Variants in SNX9 observed in about 807,000 individuals in gnomAD.
SNX9 encodes sorting nexin-9.
A neutral mutation model predicts 89.4 loss-of-function variants in SNX9; 44 were observed. The ratio of observed to expected loss-of-function variants is 0.49; its 90% CI spans 0.39 to 0.63. SNX9 has a LOEUF of 0.63. Among genes scored for constraint, SNX9 ranks in the 30% least tolerant of loss-of-function variants. SNX9 has a pLI of 0.00. For synonymous variants in SNX9, 236 were observed against 247.8 expected, an observed-to-expected ratio of 0.95 and a Z score of 0.45; for missense variants, 578 against 736.1, an observed-to-expected ratio of 0.79 and a Z score of 2.49.
chr6:157,850,473 C>T (rs915557348), intron 1 of SNX9, among the ~76,000 whole-genome samples: 2 of 152,080 alleles, frequency 1.3e-5, no homozygotes, highest in Non-Finnish European at 2.9e-5. Flanking sequence ...GAGAGCGTGG[C>T]GAAGTTGTAA....
At chr6:157,920,134 A>G (rs1783553473) in intron 9 of SNX9, among the ~76,000 whole-genome samples, 1 of 152,126 alleles carries the variant, frequency 6.6e-6, no homozygotes. Flanking sequence ...AACTCATTCA[A>G]AGCTCAGGTC....
chr6:157,869,227 A>T (rs554303985), intron 2 of SNX9, among the ~76,000 whole-genome samples: 6 of 151,818 alleles, frequency 4.0e-5, no homozygotes, highest in African/African-American at 1.5e-4. Context: ...TTCCCACGTC[A>T]TTCCACCTTC....
intron 13 of SNX9, among the ~76,000 whole-genome samples, chr6:157,935,051 GA>G (rs905215801): frequency 6.6e-6 from 1 of 152,224 alleles, no homozygotes; most frequent in Non-Finnish European, 1.5e-5. Context: ...GAATTATAAA[GA>G]TGCTTTTTAA....
chr6:157,871,991 A>G (rs920893696), intron 2 of SNX9, among the ~76,000 whole-genome samples: 14 of 151,964 alleles, frequency 9.2e-5, no homozygotes, highest in Non-Finnish European at 1.6e-4. Context: ...TAAAATAGCA[A>G]CTTGTCCTCA....
At chr6:157,910,216 G>A (rs901523926) in intron 9 of SNX9, among the ~76,000 whole-genome samples, 191 bp downstream of exon 9, 4 of 152,180 alleles carry the variant, frequency 2.6e-5, no homozygotes, top group Non-Finnish European at 4.4e-5. Context: ...TTGCCTAAAC[G>A]TCTCACAAGA....
chr6:157,907,667 A>C (rs1783246031), intron 7 of SNX9, among the ~76,000 whole-genome samples: 1 of 152,168 alleles, frequency 6.6e-6, no homozygotes, highest in Admixed American at 6.5e-5. Context: ...ATTGACCGGC[A>C]AGTTTTAAGT....
rs1396566269 is a variant in SNX9, at chr6:157,944,241, A to G, written c.*1403A>G. On this transcript the variant is annotated 3_prime_UTR_variant, in exon 18 of 18. Coordinates refer to ENST00000392185, the MANE Select transcript of SNX9 (RefSeq NM_016224.5). ...TTACGGGAAATGGAAAGTCTGGGCC[A>G]GCATCAATAAAATGACACCAAAAAT... The G allele has an allele frequency of 5.9e-5, 9 of 152,638 alleles. No individual in the cohort carries two copies. Among genetic ancestry groups the G allele is most frequent in the African/African-American group, 1.7e-4 (7 of 41,462 alleles). 9.5% of individuals were successfully genotyped at this position (152,638 alleles called of 1,614,324 possible).
Position 157,942,758 on chromosome 6 carries a change from T to C in SNX9, c.1741-33T>C, listed in dbSNP as rs188307083. The C allele has an allele frequency of 1.0e-3, 1,620 of 1,611,938 alleles. 16 individuals carry two copies. In the Middle Eastern group the frequency reaches 0.013, roughly 13 times the overall value. The stretch of plus-strand genomic sequence containing the variant: ...CTGTGAGGTCGTAATGGGAGTGATA[T>C]CTCAACGTTGTTTTGTTTTGCTTTC... On this transcript the variant is annotated intron_variant, in intron 17 of 17. Transcript: ENST00000392185.
chr6:157,909,538 A>G, intron 7 of SNX9, 127 bp from the exon 8 acceptor site: 7 of 1,106,498 alleles, frequency 6.3e-6, no homozygotes, highest in Non-Finnish European at 9.2e-6. Flanking sequence ...TGTACCTTTC[A>G]AAGAGGAACA....
At chr6:157,941,654 G>T (rs9458900) in intron 17 of SNX9, among the ~76,000 whole-genome samples, 25,909 of 152,136 alleles carry the variant, frequency 0.17, 2,339 homozygotes, top group African/African-American at 0.2. Flanking sequence ...TCTGGCCATG[G>T]GATCTAAGCC....
chr6:157,844,662 C>T (rs557356640), intron 1 of SNX9, among the ~76,000 whole-genome samples: 14 of 146,832 alleles, frequency 9.5e-5, no homozygotes, highest in South Asian at 4.3e-4. Context: ...GGTGCAATCT[C>T]GGCTCACTGC....
At chr6:157,942,551 T>C (rs1784061867) in intron 17 of SNX9, among the ~76,000 whole-genome samples, 1 of 152,184 alleles carries the variant, frequency 6.6e-6, no homozygotes, top group African/African-American at 2.4e-5. Context: ...GTGGGGAGCA[T>C]GTGTAGACGC....
intron 1 of SNX9, among the ~76,000 whole-genome samples, chr6:157,864,995 T>G (rs1782227652): frequency 6.6e-6 from 1 of 151,050 alleles, no homozygotes; most frequent in Non-Finnish European, 1.5e-5. Flanking sequence ...CCACTGCACT[T>G]TAGCCTGGCG....
At chr6:157,915,911 A>G (rs1204400933) in intron 9 of SNX9, among the ~76,000 whole-genome samples, 1 of 149,638 alleles carries the variant, frequency 6.7e-6, no homozygotes, top group Non-Finnish European at 1.5e-5. Flanking sequence ...TTTTCTAGTT[A>G]TGTATTGCAT....
chr6:157,926,504 G>A (rs377133269), intron 10 of SNX9, among the ~76,000 whole-genome samples: 1 of 152,088 alleles, frequency 6.6e-6, no homozygotes, highest in Non-Finnish European at 1.5e-5. Flanking sequence ...AGGGTGGGCC[G>A]AGCACAGTGG....
chr6:157,854,332 C>T (rs9356076), intron 1 of SNX9, among the ~76,000 whole-genome samples: 7,780 of 152,144 alleles, frequency 0.051, 227 homozygotes, highest in East Asian at 0.11. Context: ...TTGCCCTAGG[C>T]GTTAAATAGT....
chr6:157,917,651 G>T (rs528239450), intron 9 of SNX9, among the ~76,000 whole-genome samples: 7 of 151,954 alleles, frequency 4.6e-5, no homozygotes, highest in Non-Finnish European at 1.0e-4. Flanking sequence ...ATATAAAATG[G>T]TATAGTATTT....
chr6:157,904,961 G>A (rs1783180552), intron 6 of SNX9, among the ~76,000 whole-genome samples: 1 of 152,184 alleles, frequency 6.6e-6, no homozygotes, highest in Non-Finnish European at 1.5e-5. Context: ...AAGAGAGGAT[G>A]ACTTAGTTGC....
intron 1 of SNX9, among the ~76,000 whole-genome samples, chr6:157,861,170 T>C (rs1019128944): frequency 6.6e-6 from 1 of 152,244 alleles, no homozygotes; most frequent in Non-Finnish European, 1.5e-5. Context: ...TAGAAATTTC[T>C]TCTGTTTGGA....
Sources: gnomAD v4.1 joint callset for allele counts (sites outside exome capture counted in the v4.1 genomes callset) on GRCh38, gnomAD v4.1.1 for gene constraint, MANE v1.5 for transcripts, NCBI Gene and HGNC (gene_info 2026-07-23, HGNC 2026-07-21) for gene names.